Variants in CCDC93 observed in about 807,000 individuals in gnomAD.
CCDC93 encodes the protein coiled-coil domain-containing protein 93.
CCDC93 carries 61 observed loss-of-function variants against 108.2 expected under a neutral mutation model. The ratio of observed to expected loss-of-function variants is 0.56; its 90% CI spans 0.46 to 0.70. The LOEUF (loss-of-function observed/expected upper bound fraction) is 0.70. Ranked by LOEUF, CCDC93 falls within the 30% of genes least tolerant of loss-of-function variation. CCDC93 has a pLI of 0.00. For synonymous variants in CCDC93, 276 were observed against 260.4 expected (o/e 1.06, Z -0.58); for missense variants, 685 against 764.2 (o/e 0.90, Z 1.22).
chr2:117,965,886 A>G (rs1679551028), intron 11 of CCDC93, among the ~76,000 whole-genome samples: 1 of 149,532 alleles, frequency 6.7e-6, no homozygotes, highest in Non-Finnish European at 1.5e-5. Context: ...TCTCTGGCAG[A>G]AAAAAAAAAC....
chr2:117,920,332 G>T lies in CCDC93; in HGVS notation c.*11C>A. ...GTAAAATCAATGACATACAGCCACG[G>T]CTGGGGATGTTCAGGAGGCCTTCGC... On this transcript the variant is annotated 3_prime_UTR_variant, in exon 24 of 24. Transcript: ENST00000376300. 1 of 1,606,392 alleles carries T rather than the reference G, an allele frequency of 6.2e-7. No individual in the cohort carries two copies. The highest frequency in any genetic ancestry group is 8.5e-7 in the Non-Finnish European group (1 of 1,173,518).
At chr2:117,954,247 G>T (rs529673379) in intron 12 of CCDC93, among the ~76,000 whole-genome samples, 4 of 152,150 alleles carry the variant, frequency 2.6e-5, no homozygotes, top group Non-Finnish European at 4.4e-5. Context: ...ACATGACATT[G>T]TAACTGTGGG....
At chr2:117,928,440 G>T (rs966776272) in intron 23 of CCDC93, among the ~76,000 whole-genome samples, 4 of 152,166 alleles carry the variant, frequency 2.6e-5, no homozygotes, top group Non-Finnish European at 4.4e-5. Context: ...CCATCAAAAA[G>T]GGGGCAAAGG....
intron 11 of CCDC93, among the ~76,000 whole-genome samples, chr2:117,964,204 C>T (rs939604080): frequency 8.5e-5 from 13 of 152,084 alleles, no homozygotes; most frequent in Non-Finnish European, 1.8e-4. Flanking sequence ...TGTGGGGGCA[C>T]GGTGGTATGC....
intron 6 of CCDC93, 89 bp from the exon 7 acceptor site, chr2:117,986,158 CT>C: frequency 2.8e-6 from 1 of 350,882 alleles, no homozygotes; most frequent in Non-Finnish European, 4.9e-6. Context: ...GGGGTATATT[CT>C]CTTTTTTTTT....
chr2:118,011,348 TC>T (rs1677016110), intron 1 of CCDC93, among the ~76,000 whole-genome samples: 2 of 152,200 alleles, frequency 1.3e-5, no homozygotes, highest in South Asian at 4.1e-4. Context: ...CTGAGCTACA[TC>T]CGTCTCTGAA....
At chr2:117,990,304 G>A (rs1680438624) in intron 6 of CCDC93, among the ~76,000 whole-genome samples, 1 of 152,218 alleles carries the variant, frequency 6.6e-6, no homozygotes, top group Non-Finnish European at 1.5e-5. Context: ...ACCACCTCCT[G>A]TTGGGCAGGC....
At chr2:117,990,388 C>T (rs967169824) in intron 6 of CCDC93, among the ~76,000 whole-genome samples, 59 of 152,250 alleles carry the variant, frequency 3.9e-4, no homozygotes, top group African/African-American at 1.3e-3. Flanking sequence ...AAGAAGAAAG[C>T]AGGTACTGGG....
At chr2:118,004,345 T>C (rs1247593537) in intron 3 of CCDC93, among the ~76,000 whole-genome samples, 1 of 152,188 alleles carries the variant, frequency 6.6e-6, no homozygotes, top group Non-Finnish European at 1.5e-5. Flanking sequence ...TTAATGGGGC[T>C]TCAGAAGAAG....
intron 11 of CCDC93, among the ~76,000 whole-genome samples, chr2:117,959,499 A>C (rs1280872394): frequency 6.6e-6 from 1 of 152,342 alleles, no homozygotes; most frequent in East Asian, 1.9e-4. Context: ...AAAGTCTAAG[A>C]TATTTACCCA....
intron 22 of CCDC93, 129 bp downstream of exon 22, chr2:117,935,366 C>T: frequency 1.5e-6 from 1 of 674,682 alleles, no homozygotes. Flanking sequence ...GGGAATACCT[C>T]TGTAGAAATG....
At chr2:117,923,673 C>T (rs947010018) in intron 23 of CCDC93, among the ~76,000 whole-genome samples, 29 of 105,024 alleles carry the variant, frequency 2.8e-4, no homozygotes, top group African/African-American at 1.2e-3. Flanking sequence ...TGCCTGCCTG[C>T]CTGCCTGCCT....
rs568876157 is a variant in CCDC93 at position 117,945,843 on chromosome 2, C to T, written c.1297-261G>A. On this transcript the variant is annotated intron_variant, in intron 16 of 23. Coordinates refer to ENST00000376300, the MANE Select transcript of CCDC93 (RefSeq NM_019044.5). The stretch of plus-strand genomic sequence containing the variant: ...TAGCTCTTTTTGAATGTAAGAATCT[C>T]GCTAACAAGATGTGCTGAAAAGAGA... 3.9e-5 allele frequency among the ~76,000 whole-genome samples: 6 copies of T among 152,160 alleles called. No individual in the cohort carries two copies. In the East Asian group the frequency reaches 5.8e-4, roughly 15 times the overall value.
intron 6 of CCDC93, among the ~76,000 whole-genome samples, chr2:117,994,578 T>C (rs143261730): frequency 2.0e-4 from 31 of 152,348 alleles, no homozygotes; most frequent in Non-Finnish European, 4.0e-4. Flanking sequence ...CAGTTTGGAA[T>C]TCTTTTTCTG....
intron 16 of CCDC93, among the ~76,000 whole-genome samples, chr2:117,946,301 G>T (rs965888324): frequency 2.6e-5 from 4 of 152,220 alleles, no homozygotes; most frequent in Non-Finnish European, 5.9e-5. Flanking sequence ...CTCCTTGGAA[G>T]ATCAAGTCCT....
rs1677707847 is a variant in CCDC93 at position 117,917,038 on chromosome 2, A to G, written c.*3305T>C. 1 of 152,232 alleles carries G rather than the reference A, an allele frequency of 6.6e-6. No homozygotes were observed. Among genetic ancestry groups the G allele is most frequent in the African/African-American group, 2.4e-5 (1 of 41,448 alleles). The allele number at this position is 152,232 out of a possible 1,614,324, so 9.4% of individuals were successfully genotyped here. On this transcript the variant is annotated 3_prime_UTR_variant, in exon 24 of 24. Coordinates refer to ENST00000376300, the MANE Select transcript of CCDC93 (RefSeq NM_019044.5). The stretch of plus-strand genomic sequence containing the variant: ...AGTAAATCATAAAGTGCTTCCTTAA[A>G]GTGTTCTTCCTCAATGCATGTTTCA...
chr2:117,982,539 T>C (rs1185756951), intron 7 of CCDC93, among the ~76,000 whole-genome samples: 1 of 152,170 alleles, frequency 6.6e-6, no homozygotes, highest in African/African-American at 2.4e-5. Flanking sequence ...AGAGTCAAAA[T>C]GGGGGAAGGA....
intron 1 of CCDC93, among the ~76,000 whole-genome samples, chr2:118,009,589 T>A (rs987406087): frequency 6.6e-6 from 1 of 152,184 alleles, no homozygotes; most frequent in Non-Finnish European, 1.5e-5. Context: ...CGAGAATCAC[T>A]TGAACCCAGG....
chr2:117,924,322 A>G (rs997539176), intron 23 of CCDC93, among the ~76,000 whole-genome samples: 8 of 152,224 alleles, frequency 5.3e-5, no homozygotes, highest in Admixed American at 2.6e-4. Context: ...CAGACGATCA[A>G]ACTACTCTGA....
Sources: gnomAD v4.1 joint callset for allele counts (sites outside exome capture counted in the v4.1 genomes callset) on GRCh38, gnomAD v4.1.1 for gene constraint, MANE v1.5 for transcripts, NCBI Gene and HGNC (gene_info 2026-07-23, HGNC 2026-07-21) for gene names.